Variants in RAPGEF2 observed in about 807,000 individuals in gnomAD.
RAPGEF2 encodes the protein PDZ domain containing guanine nucleotide exchange factor (GEF) 1.
A neutral mutation model predicts 186.7 loss-of-function variants in RAPGEF2; 54 were observed. That is an observed-to-expected ratio of 0.29 (90% CI 0.23 to 0.36). The LOEUF is 0.36. RAPGEF2 is among the 10% of genes least tolerant of loss of function. RAPGEF2 has a pLI of 1.00. For missense variants in RAPGEF2, 1,532 were observed against 2,045.0 expected (o/e 0.75, Z 4.84); for synonymous variants, 712 against 705.9 (o/e 1.01, Z -0.14).
At chr4:159,307,848 A>C (rs555839193) in intron 8 of RAPGEF2, among the ~76,000 whole-genome samples, 1 of 152,118 alleles carries the variant, frequency 6.6e-6, no homozygotes, top group African/African-American at 2.4e-5. Context: ...GTGCATGCCT[A>C]TAGTCCCAGC....
chr4:159,155,679 C>A, intron 1 of RAPGEF2, among the ~76,000 whole-genome samples: 1 of 151,898 alleles, frequency 6.6e-6, no homozygotes, highest in East Asian at 1.9e-4. Flanking sequence ...TGACTTTGGT[C>A]TTTCTCAAGG....
rs530644104 is a variant in RAPGEF2 at position 159,261,012 on chromosome 4, C to G, written c.543+17221C>G. Reference sequence around the variant, plus strand: ...TGATTCTTCCGCCTCGCCTTGGCCTCCCAAAGTGTTGGGATTACAGGCGTG... The same window carrying G: ...TGATTCTTCCGCCTCGCCTTGGCCTGCCAAAGTGTTGGGATTACAGGCGTG... On this transcript the variant is annotated intron_variant, in intron 7 of 29. Coordinates refer to ENST00000691494, the MANE Select transcript of RAPGEF2 (RefSeq NM_001394067.2). Among the ~76,000 whole-genome samples, 120 of 152,220 alleles carry G rather than the reference C, an allele frequency of 7.9e-4. 3 individuals are homozygous for G. The South Asian group carries it at 0.018, about 23-fold the overall frequency.
At chr4:159,183,204 G>A (rs925191627) in intron 1 of RAPGEF2, among the ~76,000 whole-genome samples, 4 of 152,184 alleles carry the variant, frequency 2.6e-5, no homozygotes, top group East Asian at 1.9e-4. Context: ...TCAAGACAGC[G>A]TGATACAGGC....
chr4:159,321,999 T>C (rs887183215), intron 9 of RAPGEF2, among the ~76,000 whole-genome samples: 1 of 152,234 alleles, frequency 6.6e-6, no homozygotes, highest in Non-Finnish European at 1.5e-5. Context: ...TGTTGGAGAA[T>C]TCTCAGAGCT....
chr4:159,214,059 T>C (rs1431102099), intron 4 of RAPGEF2, among the ~76,000 whole-genome samples: 3 of 152,256 alleles, frequency 2.0e-5, no homozygotes, highest in Non-Finnish European at 2.9e-5. Flanking sequence ...AAAAGTCTTA[T>C]TTAAAATGAA....
intron 17 of RAPGEF2, among the ~76,000 whole-genome samples, chr4:159,337,911 A>AAAAAAAAAAAG (rs1767684642): frequency 7.4e-6 from 1 of 134,930 alleles, no homozygotes; most frequent in African/African-American, 3.4e-5. Flanking sequence ...AAAAAAAAAA[A>AAAAAAAAAAAG]AAGAAAGAAA....
intron 1 of RAPGEF2, among the ~76,000 whole-genome samples, chr4:159,121,017 G>A (rs1739619497): frequency 6.6e-6 from 1 of 151,978 alleles, no homozygotes; most frequent in Non-Finnish European, 1.5e-5. Flanking sequence ...ACCACGCCCA[G>A]CTAATTTTTG....
At chr4:159,229,696 A>G (rs1331929043) in intron 4 of RAPGEF2, among the ~76,000 whole-genome samples, 4 of 152,194 alleles carry the variant, frequency 2.6e-5, no homozygotes, top group Non-Finnish European at 4.4e-5. Context: ...CTTAGTTTCA[A>G]TTTTGCTAAC....
intron 8 of RAPGEF2, among the ~76,000 whole-genome samples, chr4:159,307,003 G>C (rs1173741450): frequency 6.6e-6 from 1 of 152,112 alleles, no homozygotes; most frequent in Non-Finnish European, 1.5e-5. Context: ...CTTTGAATGT[G>C]CAAATTTAGG....
intron 4 of RAPGEF2, among the ~76,000 whole-genome samples, chr4:159,227,746 G>A (rs1422445375): frequency 1.3e-5 from 2 of 152,186 alleles, no homozygotes; most frequent in East Asian, 1.9e-4. Flanking sequence ...ATACAGCTGA[G>A]GTAAGAGCCA....
chr4:159,267,819 C>G, intron 7 of RAPGEF2: 6 of 895,152 alleles, frequency 6.7e-6, no homozygotes, highest in East Asian at 2.4e-4. Flanking sequence ...CTCTCCTTTT[C>G]TTTTGCCTCT....
At chr4:159,148,057 T>A (rs896318953) in intron 1 of RAPGEF2, among the ~76,000 whole-genome samples, 9 of 152,188 alleles carry the variant, frequency 5.9e-5, no homozygotes, top group Admixed American at 5.9e-4. Flanking sequence ...ATGAACTTTT[T>A]TAAAGCTAAG....
Position 159,356,274 on chromosome 4 carries a change from C to G in RAPGEF2, c.4957+116C>G. The G allele has an allele frequency of 2.9e-6, 3 of 1,050,320 alleles. No homozygotes were observed. In the South Asian group the frequency reaches 4.9e-5, roughly 17 times the overall value. The allele number at this position is 1,050,320 out of a possible 1,614,324, so 65.1% of individuals were successfully genotyped here. A position where few individuals can be genotyped will look rare whatever the true frequency, so the allele number is the denominator to read the frequency against. On this transcript the variant is annotated intron_variant, in intron 29 of 29. Transcript: ENST00000691494. ...GTCAGCTATGTCTAACCATATACTA[C>G]ACAAAGTACACTACATTCAGAGTTC...
In RAPGEF2 at chr4:159,241,188, G is replaced by A; in HGVS notation, c.358-13G>A. The stretch of plus-strand genomic sequence containing the variant: ...TGTTTGGAGAAATGAAATTTTGGGG[G>A]GTTTTATTTCAGGTGGACTATATGG... On this transcript the variant is annotated splice_polypyrimidine_tract_variant and intron_variant, in intron 5 of 29. Transcript: ENST00000691494. 2 of 1,479,876 alleles carry A rather than the reference G, an allele frequency of 1.4e-6. No homozygotes were observed. Among genetic ancestry groups the A allele is most frequent in the Non-Finnish European group, 9.0e-7 (1 of 1,116,280 alleles). 91.7% of individuals were successfully genotyped at this position (1,479,876 alleles called of 1,614,324 possible). A position where few individuals can be genotyped will look rare whatever the true frequency, so the allele number is the denominator to read the frequency against.
chr4:159,345,402 A>G, intron 24 of RAPGEF2, 73 bp downstream of exon 24: 1 of 1,412,194 alleles, frequency 7.1e-7, no homozygotes, highest in Non-Finnish European at 9.9e-7. Context: ...TGGTATGGGC[A>G]GTGACAAAAT....
rs145532592 is a variant in RAPGEF2 at position 159,131,213 on chromosome 4, C to T, written c.69+26982C>T. Among the ~76,000 whole-genome samples, 1,312 of 152,216 alleles carry T rather than the reference C, an allele frequency of 8.6e-3. 15 individuals carry two copies. Among genetic ancestry groups the T allele is most frequent in the African/African-American group, 0.03 (1,264 of 41,522 alleles). On this transcript the variant is annotated intron_variant, in intron 1 of 29. Coordinates refer to ENST00000691494, the MANE Select transcript of RAPGEF2 (RefSeq NM_001394067.2). ...GCAACCTCCGCCTCCTAGGTTCAAG[C>T]GATTCTGCTGCCTCATCTTCCTGAA...
At chr4:159,318,080 A>G (rs1764813135) in intron 9 of RAPGEF2, among the ~76,000 whole-genome samples, 1 of 152,216 alleles carries the variant, frequency 6.6e-6, no homozygotes, top group African/African-American at 2.4e-5. Context: ...GTGCTTGTCA[A>G]TATAATTGCT....
Position 159,304,469 on chromosome 4 carries a change from A to G in RAPGEF2, c.671A>G (p.Tyr224Cys), listed in dbSNP as rs200034622. ...GGGAGCAGCAGTCTTTCTGATATCTACCAGGTAAGAGGATGTTTTCCTTGT... is the reference window on the plus strand; with the variant it reads ...GGGAGCAGCAGTCTTTCTGATATCTGCCAGGTAAGAGGATGTTTTCCTTGT... ...DSGSSSLSDIYQATESEAGDM... is the reference protein window; with the variant it reads ...DSGSSSLSDICQATESEAGDM... Residue 224 changes from tyrosine (Y) to cysteine (C), a missense_variant, in exon 8 of 30, where the codon TAC becomes TGC. Physicochemically the swap from Tyr to Cys is radical, Grantham distance 194. Around this residue, in one of 4 missense-constraint regions of RAPGEF2, gnomAD observed 810 missense variants for 1,210.5 expected, o/e 0.67. Transcript: ENST00000691494. The G allele has an allele frequency of 2.5e-4, 405 of 1,602,982 alleles. No individual in the cohort carries two copies. Among genetic ancestry groups the G allele is most frequent in the Non-Finnish European group, 3.0e-4 (354 of 1,171,288 alleles).
chr4:159,234,178 C>G (rs1265507262), intron 4 of RAPGEF2, among the ~76,000 whole-genome samples: 1 of 151,842 alleles, frequency 6.6e-6, no homozygotes, highest in Non-Finnish European at 1.5e-5. Flanking sequence ...CACCAAGGAA[C>G]AGGATGTAAT....
Sources: gnomAD v4.1 joint callset for allele counts (sites outside exome capture counted in the v4.1 genomes callset) on GRCh38, gnomAD v4.1.1 for gene constraint, gnomAD v4.1.1 regional missense constraint, MANE v1.5 for transcripts, NCBI Gene and HGNC (gene_info 2026-07-23, HGNC 2026-07-21) for gene names.